The following ITFG1 variants were observed in gnomAD, a reference collection of about 807,000 sequenced individuals.
ITFG1 encodes the protein integrin alpha FG-GAP repeat containing 1.
In ITFG1, 34 loss-of-function variants were observed where a neutral mutation model predicts 81.8. That is an observed-to-expected ratio of 0.42 (90% CI 0.32 to 0.55). ITFG1 has a LOEUF of 0.55. ITFG1 is among the 20% of genes least tolerant of loss of function. ITFG1 has a pLI of 0.17. For synonymous variants in ITFG1, 285 were observed against 270.6 expected (o/e 1.05, Z -0.52); for missense variants, 672 against 755.4 (o/e 0.89, Z 1.29).
chr16:47,322,552 T>G (rs1967464719), intron 8 of ITFG1, among the ~76,000 whole-genome samples: 2 of 152,078 alleles, frequency 1.3e-5, no homozygotes, highest in Admixed American at 1.3e-4. Flanking sequence ...TAGCCAGGCA[T>G]GGTGGCAGGA....
At chr16:47,412,379 A>G (rs996972214) in intron 6 of ITFG1, among the ~76,000 whole-genome samples, 2 of 152,238 alleles carry the variant, frequency 1.3e-5, no homozygotes, top group Non-Finnish European at 2.9e-5. Context: ...AAGAGTTGAA[A>G]GACGACATAG....
intron 12 of ITFG1, among the ~76,000 whole-genome samples, 170 bp downstream of exon 12, chr16:47,258,462 T>C (rs1164243966): frequency 6.6e-6 from 1 of 152,128 alleles, no homozygotes; most frequent in African/African-American, 2.4e-5. Flanking sequence ...AACAATATTG[T>C]TGGGACAGCT....
At chr16:47,272,667 A>T (rs926359237) in intron 10 of ITFG1, among the ~76,000 whole-genome samples, 1 of 152,132 alleles carries the variant, frequency 6.6e-6, no homozygotes, top group African/African-American at 2.4e-5. Context: ...AAGTGCTGGG[A>T]TTACGGGCGT....
chr16:47,350,522 T>C (rs529451974), intron 8 of ITFG1, among the ~76,000 whole-genome samples: 3 of 152,320 alleles, frequency 2.0e-5, no homozygotes, highest in South Asian at 4.1e-4. Context: ...AGGAAGAAGT[T>C]GATTCTCTGA....
chr16:47,236,125 T>G (rs1197178527), intron 13 of ITFG1, among the ~76,000 whole-genome samples: 1 of 152,194 alleles, frequency 6.6e-6, no homozygotes, highest in Non-Finnish European at 1.5e-5. Flanking sequence ...CACTGTAAGA[T>G]AGAAGTGGCT....
intron 10 of ITFG1, chr16:47,262,858 G>A (rs1966227253): frequency 6.5e-6 from 1 of 153,198 alleles, no homozygotes. Flanking sequence ...AGAGGAGCAG[G>A]GAATCAAAAT....
rs1416982939 is a variant in ITFG1 at position 47,445,269 on chromosome 16, A to C, written c.560+6127T>G. ...TCAGAAAAAAAAAAAAAAAAAAAAA[A>C]AAAAGATTTCCCCCACGTTTGATAT... is the stretch of plus-strand genomic sequence containing the variant. On this transcript the variant is annotated intron_variant, in intron 5 of 17. Transcript: ENST00000320640. Among the ~76,000 whole-genome samples the C allele has an allele frequency of 2.6e-5, 4 of 151,130 alleles. No homozygotes were observed. The East Asian group carries it at 7.8e-4, about 29-fold the overall frequency.
intron 2 of ITFG1, among the ~76,000 whole-genome samples, chr16:47,456,499 C>G (rs1423721603): frequency 6.6e-6 from 1 of 151,784 alleles, no homozygotes; most frequent in Non-Finnish European, 1.5e-5. Flanking sequence ...GACACCAGCC[C>G]GGGCAACACG....
At chr16:47,288,154 C>T (rs867169421) in intron 10 of ITFG1, among the ~76,000 whole-genome samples, 1 of 152,208 alleles carries the variant, frequency 6.6e-6, no homozygotes, top group Non-Finnish European at 1.5e-5. Flanking sequence ...CTCTCTACTT[C>T]TGAGATAAAC....
rs1969058511 is a variant in ITFG1, at chr16:47,428,930, G to T, written c.561-32C>A. The T allele has an allele frequency of 4.0e-6, 5 of 1,251,638 alleles. No individual in the cohort carries two copies. In the East Asian group the frequency reaches 9.5e-5, roughly 24 times the overall value. 77.5% of individuals were successfully genotyped at this position (1,251,638 alleles called of 1,614,324 possible). On this transcript the variant is annotated intron_variant, in intron 5 of 17. Coordinates refer to ENST00000320640, the MANE Select transcript of ITFG1 (RefSeq NM_030790.5). ...AATAAAATAAAAATACTTTTCTTAA[G>T]GCAAACATCAAATGAGCATTATTTT...
At chr16:47,415,099 C>A (rs897933153) in intron 6 of ITFG1, among the ~76,000 whole-genome samples, 3 of 152,200 alleles carry the variant, frequency 2.0e-5, no homozygotes, top group African/African-American at 7.2e-5. Flanking sequence ...CATGTGTCTG[C>A]AGTTTCAACC....
chr16:47,346,230 A>G (rs1197239141), intron 8 of ITFG1, among the ~76,000 whole-genome samples: 1 of 152,250 alleles, frequency 6.6e-6, no homozygotes, highest in African/African-American at 2.4e-5. Flanking sequence ...AAATTGTATC[A>G]GGTATTGTTT....
At chr16:47,278,234 G>C (rs1208704980) in intron 10 of ITFG1, among the ~76,000 whole-genome samples, 1 of 152,158 alleles carries the variant, frequency 6.6e-6, no homozygotes, top group Non-Finnish European at 1.5e-5. Flanking sequence ...AAATAGAACA[G>C]ACATAAAGAA....
At chr16:47,228,922 G>A (rs1225437292) in intron 13 of ITFG1, among the ~76,000 whole-genome samples, 1 of 152,154 alleles carries the variant, frequency 6.6e-6, no homozygotes, top group African/African-American at 2.4e-5. Context: ...TAAATAGCTT[G>A]TAATTTATTT....
chr16:47,394,232 C>G (rs145109710), intron 6 of ITFG1, among the ~76,000 whole-genome samples: 1 of 152,276 alleles, frequency 6.6e-6, no homozygotes, highest in Non-Finnish European at 1.5e-5. Flanking sequence ...CTGGAAGATA[C>G]AGTCTGTGCT....
At chr16:47,297,626 GT>G (rs1399052972) in intron 10 of ITFG1, among the ~76,000 whole-genome samples, 2 of 143,786 alleles carry the variant, frequency 1.4e-5, no homozygotes, top group African/African-American at 5.1e-5. Flanking sequence ...CTGATTGACA[GT>G]TTGCTTTTTT....
At chr16:47,169,988 A>T (rs558251486) in intron 14 of ITFG1, among the ~76,000 whole-genome samples, 1 of 152,290 alleles carries the variant, frequency 6.6e-6, no homozygotes, top group East Asian at 1.9e-4. Flanking sequence ...TATTACATTG[A>T]TTGACTGTCT....
At chr16:47,347,803 C>T (rs1228403637) in intron 8 of ITFG1, among the ~76,000 whole-genome samples, 2 of 152,218 alleles carry the variant, frequency 1.3e-5, no homozygotes, top group African/African-American at 4.8e-5. Flanking sequence ...CAAGTAGGGG[C>T]AGACTGACAC....
At chr16:47,318,385 CT>C (rs1967398066) in intron 8 of ITFG1, among the ~76,000 whole-genome samples, 2 of 152,104 alleles carry the variant, frequency 1.3e-5, no homozygotes, top group South Asian at 2.1e-4. Flanking sequence ...AACTGATTCT[CT>C]ATTGATATGC....
Sources: allele counts gnomAD v4.1 joint callset (sites outside exome capture counted in the v4.1 genomes callset), GRCh38; gene constraint gnomAD v4.1.1; transcripts MANE v1.5; gene names NCBI Gene and HGNC (gene_info 2026-07-23, HGNC 2026-07-21).